Variants in RAD51B observed in about 807,000 individuals in gnomAD.
RAD51B encodes DNA repair protein RAD51 homolog 2.
RAD51B carries 38 observed loss-of-function variants against 42.2 expected under a neutral mutation model. That is an observed-to-expected ratio of 0.90 (90% CI 0.70 to 1.18). The LOEUF (loss-of-function observed/expected upper bound fraction) is 1.18. Ranked by LOEUF, RAD51B falls within the 50% of genes most tolerant of loss-of-function variation. The pLI, the probability that RAD51B is intolerant of heterozygous loss-of-function variation, is 0.00. For missense variants in RAD51B, 373 were observed against 400.7 expected, an observed-to-expected ratio of 0.93 and a Z score of 0.59; for synonymous variants, 154 against 145.2, an observed-to-expected ratio of 1.06 and a Z score of -0.43.
rs34809964 is a variant in RAD51B at position 67,923,298 on chromosome 14, CTTTTTTTTT to C, written c.756+36104_756+36112del. 5.7e-5 allele frequency among the ~76,000 whole-genome samples: 7 copies of C among 123,662 alleles called. No homozygotes were observed. In the South Asian group the frequency reaches 1.5e-3, roughly 26 times the overall value. The allele number at this position is 123,662 out of a possible 152,430, so 81.1% of individuals were successfully genotyped here. A position where few individuals can be genotyped will look rare whatever the true frequency, so the allele number is the denominator to read the frequency against. ...AATTTCTTTCTTTCTTTTTCTTTTT[CTTTTTTTTT>C]TTTTTTTTTGAGATGGAGTTTCACT... On this transcript the variant is annotated intron_variant, in intron 7 of 10. Coordinates refer to ENST00000471583, the MANE Select transcript of RAD51B (RefSeq NM_133510.4).
intron 9 of RAD51B, chr14:68,421,766 A>G: frequency 6.3e-7 from 1 of 1,598,098 alleles, no homozygotes; most frequent in Non-Finnish European, 8.5e-7. Flanking sequence ...GACCCAAAGC[A>G]CTCCATGCCT....
intron 7 of RAD51B, among the ~76,000 whole-genome samples, chr14:68,265,354 C>T (rs772822749): frequency 4.6e-5 from 7 of 152,284 alleles, no homozygotes; most frequent in Admixed American, 6.5e-5. Context: ...GCAATCATTT[C>T]CTTGGGATCT....
intron 8 of RAD51B, among the ~76,000 whole-genome samples, chr14:68,358,543 C>T (rs1011124717): frequency 6.6e-6 from 1 of 152,172 alleles, no homozygotes; most frequent in African/African-American, 2.4e-5. Flanking sequence ...TTTTTTTTCT[C>T]AATCTTTGTG....
chr14:68,378,160 C>T (rs928011372), intron 8 of RAD51B, among the ~76,000 whole-genome samples: 3 of 152,156 alleles, frequency 2.0e-5, no homozygotes, highest in African/African-American at 7.2e-5. Flanking sequence ...AAAACATTAG[C>T]TTTAACTTTC....
At chr14:68,235,696 T>G (rs1156796083) in intron 7 of RAD51B, among the ~76,000 whole-genome samples, 2 of 88,294 alleles carry the variant, frequency 2.3e-5, no homozygotes, top group Non-Finnish European at 3.9e-5. Flanking sequence ...AGAGCGAGAC[T>G]CCGTCTCAAA....
chr14:68,091,601 C>T (rs1424915144), intron 7 of RAD51B, among the ~76,000 whole-genome samples: 2 of 152,206 alleles, frequency 1.3e-5, no homozygotes, highest in Non-Finnish European at 1.5e-5. Flanking sequence ...GATATTAGCC[C>T]TTTGTCAGAT....
chr14:68,298,562 G>T (rs373540809), intron 8 of RAD51B, among the ~76,000 whole-genome samples: 1 of 152,170 alleles, frequency 6.6e-6, no homozygotes, highest in Non-Finnish European at 1.5e-5. Context: ...TCTTTTTACC[G>T]TCTAGAATTT....
chr14:68,262,351 C>A (rs923724704), intron 7 of RAD51B, among the ~76,000 whole-genome samples: 2 of 152,108 alleles, frequency 1.3e-5, no homozygotes, highest in Non-Finnish European at 2.9e-5. Context: ...CCTTGTAGCC[C>A]CTGTCACCTG....
intron 3 of RAD51B, among the ~76,000 whole-genome samples, chr14:67,830,955 C>T (rs1032569232): frequency 2.7e-5 from 4 of 147,782 alleles, no homozygotes; most frequent in East Asian, 4.0e-4. Context: ...GGTGAGATCT[C>T]GGCCCAGGCT....
downstream of RAD51B, among the ~76,000 whole-genome samples, chr14:68,612,782 G>A (rs182454501): frequency 0.013 from 1,915 of 148,654 alleles, 31 homozygotes; most frequent in African/African-American, 0.039. Flanking sequence ...TTTATGTTAC[G>A]TATATTTGAC....
At chr14:67,874,416 T>C (rs2140020310) in intron 5 of RAD51B, among the ~76,000 whole-genome samples, 1 of 133,066 alleles carries the variant, frequency 7.5e-6, no homozygotes, top group Non-Finnish European at 1.7e-5. Context: ...TATGACTTTT[T>C]TTGTGATTTT....
intron 8 of RAD51B, among the ~76,000 whole-genome samples, chr14:68,375,255 G>T (rs145676307): frequency 6.6e-6 from 1 of 152,056 alleles, no homozygotes; most frequent in South Asian, 2.1e-4. Flanking sequence ...CTCCTTCCCC[G>T]CTCTCAGCTT....
At chr14:68,244,123 A>G (rs1404445220) in intron 7 of RAD51B, among the ~76,000 whole-genome samples, 1 of 152,188 alleles carries the variant, frequency 6.6e-6, no homozygotes, top group African/African-American at 2.4e-5. Flanking sequence ...TGTTATAGAA[A>G]GATCTGTTTG....
intron 4 of RAD51B, among the ~76,000 whole-genome samples, chr14:67,841,075 T>C (rs1166264729): frequency 1.3e-5 from 2 of 152,316 alleles, no homozygotes; most frequent in Middle Eastern, 3.4e-3. Flanking sequence ...GCTGAGATTA[T>C]AGGCATGAGC....
At position 68,126,491 on chromosome 14, in the gene RAD51B, A is replaced by G. The variant is rs550186111; in HGVS notation, c.757-165393A>G. Among the ~76,000 whole-genome samples the G allele has an allele frequency of 3.3e-5, 5 of 152,346 alleles. No homozygotes were observed. In the East Asian group the frequency reaches 5.8e-4, roughly 18 times the overall value. Reference sequence around the variant, plus strand: ...GTGTTCTACTCCTTTGAATAACTGCATAAAACTATAGCCCCTCACCAAAGA... The same window carrying G: ...GTGTTCTACTCCTTTGAATAACTGCGTAAAACTATAGCCCCTCACCAAAGA... On this transcript the variant is annotated intron_variant, in intron 7 of 10. Transcript: ENST00000471583.
intron 7 of RAD51B, among the ~76,000 whole-genome samples, chr14:68,049,246 T>C (rs892696186): frequency 5.3e-5 from 8 of 152,094 alleles, no homozygotes; most frequent in Non-Finnish European, 1.2e-4. Context: ...TTAAGAGATA[T>C]ACCTAATGTA....
At chr14:68,115,839 A>T (rs1457827503) in intron 7 of RAD51B, among the ~76,000 whole-genome samples, 1 of 152,172 alleles carries the variant, frequency 6.6e-6, no homozygotes, top group African/African-American at 2.4e-5. Flanking sequence ...TGCATCACAG[A>T]GTGGGGCATG....
chr14:67,848,866 A>G (rs566074880), intron 4 of RAD51B, among the ~76,000 whole-genome samples: 1 of 152,330 alleles, frequency 6.6e-6, no homozygotes, highest in South Asian at 2.1e-4. Flanking sequence ...TTTGTGGGAT[A>G]TGAAATTATT....
rs916412369 is a variant in RAD51B, at chr14:68,648,875, A to G, written c.1037-1906A>G. Among the ~76,000 whole-genome samples, 3 of 152,010 alleles carry G rather than the reference A, an allele frequency of 2.0e-5. No homozygotes were observed. The South Asian group carries it at 6.2e-4, about 32-fold the overall frequency. On this transcript the variant is annotated intron_variant, in intron 10 of 11. Transcript: ENST00000488612. ...TGATGGCGATGACCCTGTGGGGAGTATCAGGTTATGGGAGAAACAGATCTA... is the reference window on the plus strand; with the variant it reads ...TGATGGCGATGACCCTGTGGGGAGTGTCAGGTTATGGGAGAAACAGATCTA...
Sources: gnomAD v4.1 joint callset for allele counts (sites outside exome capture counted in the v4.1 genomes callset) on GRCh38, gnomAD v4.1.1 for gene constraint, MANE v1.5 for transcripts, NCBI Gene and HGNC (gene_info 2026-07-23, HGNC 2026-07-21) for gene names.